ITIH6: variants seen among roughly 807,000 people sequenced by gnomAD.
The protein encoded by ITIH6 is inter-alpha-trypsin inhibitor heavy chain family member 6, also known as inter-alpha-trypsin inhibitor heavy chain H6.
In ITIH6, 60 loss-of-function variants were observed where a neutral mutation model predicts 58.2. The observed-to-expected ratio is 1.03, with a 90% CI of 0.84 to 1.28. ITIH6 has a LOEUF of 1.28. Among genes scored for constraint, ITIH6 ranks in the 50% most tolerant of loss-of-function variants. The probability of loss-of-function intolerance (pLI) is 0.00; values close to 1 mark genes in which losing one functional copy is unlikely to be tolerated. For synonymous variants in ITIH6, 493 were observed against 417.4 expected (o/e 1.18, Z -2.21); for missense variants, 1,290 against 1,021.1 (o/e 1.26, Z -3.59).
At chrX:54,787,223 C>T (rs1045603057) in intron 5 of ITIH6, 7 of 112,373 alleles carry the variant, frequency 6.2e-5, no homozygotes, top group African/African-American at 2.3e-4. Context: ...ACTTTTATTC[C>T]TCCTGCACAA....
At chrX:54,776,207 G>A (rs1929049049) in intron 5 of ITIH6, among the ~76,000 whole-genome samples, 1 of 110,306 alleles carries the variant, frequency 9.1e-6, no homozygotes, top group African/African-American at 3.3e-5. Flanking sequence ...AACCAAACTC[G>A]GCTGATGCCT....
chrX:54,786,243 T>C (rs1294692044), intron 5 of ITIH6, among the ~76,000 whole-genome samples: 7 of 111,901 alleles, frequency 6.3e-5, no homozygotes, highest in Middle Eastern at 4.2e-3. Flanking sequence ...TTTTCTCTGC[T>C]GGATACTTCT....
At chrX:54,786,815 G>T in intron 5 of ITIH6, among the ~76,000 whole-genome samples, 1 of 111,574 alleles carries the variant, frequency 9.0e-6, no homozygotes, top group Non-Finnish European at 1.9e-5. Flanking sequence ...ACGATAAGTA[G>T]GCTGTGTGTG....
Position 54,750,768 on chromosome X carries a change from A to G in ITIH6, c.3730+235T>C, listed in dbSNP as rs758502825. Among the ~76,000 whole-genome samples the G allele has an allele frequency of 1.4e-3, 151 of 110,975 alleles. 2 individuals are homozygous for G. Among genetic ancestry groups the G allele is most frequent in the African/African-American group, 4.4e-3 (135 of 30,527 alleles). ...CTTCTTGAGCTCTGAGGCTGGGCAA[A>G]TTCCCCCACTCTGGTTTTCTCTAGC... On this transcript the variant is annotated intron_variant, in intron 12 of 12. Transcript: ENST00000218436.
intron 6 of ITIH6, among the ~76,000 whole-genome samples, chrX:54,764,881 G>A (rs1317459076): frequency 9.8e-6 from 1 of 102,411 alleles, no homozygotes; most frequent in African/African-American, 3.6e-5. Context: ...CACCAACAGT[G>A]TAAAAGTGTC....
At chrX:54,770,851 A>G (rs1394567928) in intron 6 of ITIH6, among the ~76,000 whole-genome samples, 2 of 112,111 alleles carry the variant, frequency 1.8e-5, no homozygotes, top group African/African-American at 3.2e-5. Context: ...TTCTTCCTCT[A>G]TGTAGAACTT....
chrX:54,750,718 G>A (rs1928334601), intron 12 of ITIH6, among the ~76,000 whole-genome samples: 1 of 111,480 alleles, frequency 9.0e-6, no homozygotes, highest in African/African-American at 3.3e-5. Context: ...CTCAGCGTGG[G>A]TGTGTCTACC....
Position 54,767,382 on chromosome X carries a change from C to T in ITIH6, c.903+6699G>A, listed in dbSNP as rs1347534465. Among the ~76,000 whole-genome samples, 5 of 107,122 alleles carry T rather than the reference C, an allele frequency of 4.7e-5. 1 individual carries two copies. The highest frequency in any genetic ancestry group is 1.8e-4 in the African/African-American group (5 of 27,833). 93.0% of individuals were successfully genotyped at this position (107,122 alleles called of 115,157 possible). A position where few individuals can be genotyped will look rare whatever the true frequency, so the allele number is the denominator to read the frequency against. ...TTTTTTGAAGGGTTTTTTTGTGTCT[C>T]TATTTCCTTCAGTTCTGCTCTGATT... is the stretch of plus-strand genomic sequence containing the variant. On this transcript the variant is annotated intron_variant, in intron 6 of 12. Transcript: ENST00000218436.
intron 5 of ITIH6, among the ~76,000 whole-genome samples, chrX:54,775,979 C>G (rs1485681607): frequency 9.0e-6 from 1 of 111,724 alleles, no homozygotes; most frequent in Non-Finnish European, 1.9e-5. Context: ...AAGCTCAGTA[C>G]CTGGTTTTAA....
In ITIH6 at chrX:54,788,469, G is replaced by A. The variant is rs200300630; in HGVS notation, c.786+11C>T. The A allele has an allele frequency of 2.7e-4, 322 of 1,203,726 alleles. No individual in the cohort carries two copies. Among genetic ancestry groups the A allele is most frequent in the Non-Finnish European group, 3.5e-4 (310 of 890,552 alleles). On this transcript the variant is annotated intron_variant, in intron 5 of 12. Transcript: ENST00000218436. Reference sequence around the variant, plus strand: ...AGCCCATCCTCTCTCCTCTTCCCCAGGCCCCCTCACCTGCACGTCTCCAAT... The same window carrying A: ...AGCCCATCCTCTCTCCTCTTCCCCAAGCCCCCTCACCTGCACGTCTCCAAT...
At position 54,758,561 on chromosome X, in the gene ITIH6, C is replaced by T. The variant is rs766732301; in HGVS notation, c.1513G>A (p.Val505Met). ...PNYFGGSELV[V>M]AGQVQPGKQE... ...TTGCCTGGCTGCACCTGTCCTGCCA[C>T]CACCAGCTCAGAGCCACCAAAGTAG... The change falls in exon 8 of 13, where the codon GTG becomes ATG. Residue 505 changes from valine (V) to methionine (M), a missense_variant. Coordinates refer to ENST00000218436, the MANE Select transcript of ITIH6 (RefSeq NM_198510.3). The T allele has an allele frequency of 3.3e-6, 4 of 1,211,096 alleles. No homozygotes were observed. The Admixed American group carries it at 8.7e-5, about 26-fold the overall frequency.
At chrX:54,755,302 T>C (rs1928463619) in intron 8 of ITIH6, among the ~76,000 whole-genome samples, 193 bp from the exon 9 acceptor site, 1 of 112,374 alleles carries the variant, frequency 8.9e-6, no homozygotes, top group African/African-American at 3.3e-5. Context: ...ATAGCATTTA[T>C]ACATTCATTT....
chrX:54,796,960 A>C lies in ITIH6; in HGVS notation c.239T>G (p.Phe80Cys). The C allele has an allele frequency of 8.3e-7, 1 of 1,211,282 alleles. No homozygotes were observed. The highest frequency in any genetic ancestry group is 1.7e-5 in the African/African-American group (1 of 57,860). The change falls in exon 2 of 13, where the codon TTT (phenylalanine) becomes TGT (cysteine). Residue 80 changes from phenylalanine (F) to cysteine (C), a missense_variant. Physicochemically the swap from Phe to Cys is radical, Grantham distance 205. Coordinates refer to ENST00000218436, the MANE Select transcript of ITIH6 (RefSeq NM_198510.3). ...GACTTACATAGTGAAATTGGAGATA[A>C]AGGCAAGATGAGGCAGATCCAGGTC... ...IFDLDLPHLA[F>C]ISNFTMTINN...
rs1050400714 is a variant in ITIH6 at position 54,758,910 on chromosome X, C to A, written c.1164G>T (p.Arg388Ser). ...QEPGRGPSVG[R>S]IPLIIFLTDG... ...CCGTCAGGAAGATGATAAGAGGGAT[C>A]CTCCCCACACTGGGGCCCCTCCCAG... Residue 388 changes from arginine to serine, a missense_variant, in exon 8 of 13, where the codon AGG (arginine) becomes AGT (serine). Physicochemically the swap from Arg to Ser is moderately radical, Grantham distance 110 (BLOSUM62 -1). Transcript: ENST00000218436. The A allele has an allele frequency of 1.7e-6, 2 of 1,208,671 alleles. No homozygotes were observed. The highest frequency in any genetic ancestry group is 2.2e-5 in the Admixed American group (1 of 45,788).
At chrX:54,793,724 A>G (rs1435508277) in intron 2 of ITIH6, among the ~76,000 whole-genome samples, 1 of 111,754 alleles carries the variant, frequency 8.9e-6, no homozygotes, top group African/African-American at 3.3e-5. Context: ...GCAAGTAGTT[A>G]AATTTGACTG....
chrX:54,750,068 G>T lies in ITIH6; in HGVS notation c.3769C>A (p.Pro1257Thr). The T allele has an allele frequency of 8.3e-7, 1 of 1,210,755 alleles. No homozygotes were observed. Among genetic ancestry groups the T allele is most frequent in the Non-Finnish European group, 1.1e-6 (1 of 894,827 alleles). ...TGCCTTCGTAAGCATGGCCCCATAG[G>T]TCCTGTCACCAGTCGGATGTCTGCG... is the stretch of plus-strand genomic sequence containing the variant. The part of the protein sequence containing the change: ...QHADIRLVTG[P>T]MGPCLRRHHG... The change falls in exon 13 of 13, where the codon CCT (proline) becomes ACT (threonine). Residue 1257 changes from proline (P) to threonine (T), a missense_variant. Pro to Thr is a conservative substitution (Grantham distance 38, BLOSUM62 -1). Coordinates refer to ENST00000218436, the MANE Select transcript of ITIH6 (RefSeq NM_198510.3).
rs1487673027 is a variant in ITIH6 at position 54,788,489 on chromosome X, TC to T, written c.776del (p.Gly259GlufsTer32). On this transcript the variant is annotated frameshift_variant, in exon 5 of 13. Coordinates refer to ENST00000218436, the MANE Select transcript of ITIH6 (RefSeq NM_198510.3). LOFTEE classifies it high-confidence loss of function. Reference sequence around the variant, plus strand: ...CCCCAGGCCCCCTCACCTGCACGTCTCCAATGATGTCCTCCATGACCACATC... The same window carrying T: ...CCCCAGGCCCCCTCACCTGCACGTCTCAATGATGTCCTCCATGACCACATC... ...QYDVVMEDII[G>X]DVQIYDDYFI... The T allele has an allele frequency of 8.3e-7, 1 of 1,207,935 alleles. No individual in the cohort carries two copies. The highest frequency in any genetic ancestry group is 1.8e-5 in the African/African-American group (1 of 56,892).
rs986884639 is a variant in ITIH6, at chrX:54,785,254, T to C, written c.786+3226A>G. Among the ~76,000 whole-genome samples the C allele has an allele frequency of 6.3e-5, 7 of 110,447 alleles. 1 individual carries two copies. The highest frequency in any genetic ancestry group is 2.3e-4 in the African/African-American group (7 of 30,283). ...GGGTGGGGAAGGCAGGGATGGTTAA[T>C]GGGTACAAAGAAAAGTGAGAAATAA... On this transcript the variant is annotated intron_variant, in intron 5 of 12. Coordinates refer to ENST00000218436, the MANE Select transcript of ITIH6 (RefSeq NM_198510.3).
chrX:54,795,615 C>T (rs748794431), intron 2 of ITIH6, among the ~76,000 whole-genome samples: 58 of 111,831 alleles, frequency 5.2e-4, no homozygotes, highest in African/African-American at 1.9e-3. Context: ...TTGCAGTTCC[C>T]CTAATTAAGG....
Sources: gnomAD v4.1 joint callset for allele counts (sites outside exome capture counted in the v4.1 genomes callset) on GRCh38, gnomAD v4.1.1 for gene constraint, MANE v1.5 for transcripts, NCBI Gene and HGNC (gene_info 2026-07-23, HGNC 2026-07-21) for gene names.